The following GLIS1 variants were observed in gnomAD, a reference collection of about 807,000 sequenced individuals.
The protein encoded by GLIS1 is zinc finger protein GLIS1.
A neutral mutation model predicts 63.8 loss-of-function variants in GLIS1; 24 were observed. That is an observed-to-expected ratio of 0.38 (90% confidence interval 0.27 to 0.53). The LOEUF is 0.53. Among genes scored for constraint, GLIS1 ranks in the 20% least tolerant of loss-of-function variants. GLIS1 has a pLI of 0.85. For missense variants in GLIS1, 1,036 were observed against 1,074.1 expected (o/e 0.96, Z 0.50); for synonymous variants, 450 against 482.5 (o/e 0.93, Z 0.88).
intron 7 of GLIS1, 140 bp downstream of exon 7, chr1:53,520,494 C>T: frequency 3.1e-6 from 3 of 965,318 alleles, no homozygotes; most frequent in Non-Finnish European, 2.9e-6. Flanking sequence ...GAGGCAGAGG[C>T]AACCAAGTCC....
chr1:53,720,045 A>G (rs768527561), intron 2 of GLIS1, among the ~76,000 whole-genome samples: 4 of 152,142 alleles, frequency 2.6e-5, no homozygotes, highest in Non-Finnish European at 5.9e-5. Context: ...GCATGGTGGC[A>G]TGCGCCTGTA....
chr1:53,548,435 C>T lies in GLIS1; in HGVS notation c.1321-18483G>A, dbSNP rs1044806295. ...AGGGCCACATATCACGCATGGACGC[C>T]TGCTCCAGCTATGCTAATACCCACA... On this transcript the variant is annotated intron_variant, in intron 4 of 10. Coordinates refer to ENST00000628545, the MANE Select transcript of GLIS1 (RefSeq NM_001367484.1). Among the ~76,000 whole-genome samples, 28 of 152,256 alleles carry T rather than the reference C, an allele frequency of 1.8e-4. 1 individual carries two copies. Among genetic ancestry groups the T allele is most frequent in the Non-Finnish European group, 5.9e-5 (4 of 68,044 alleles).
intron 2 of GLIS1, among the ~76,000 whole-genome samples, chr1:53,697,610 C>T (rs1362986280): frequency 6.6e-6 from 1 of 152,214 alleles, no homozygotes; most frequent in Non-Finnish European, 1.5e-5. Flanking sequence ...CTAAACTACA[C>T]AGCAGAGGAG....
chr1:53,693,649 C>G (rs917526859), intron 2 of GLIS1, among the ~76,000 whole-genome samples: 1 of 152,186 alleles, frequency 6.6e-6, no homozygotes, highest in Non-Finnish European at 1.5e-5. Flanking sequence ...TACAAGCAGT[C>G]CCGGCCTCGG....
chr1:53,701,998 G>GAAAAAAAAA (rs919008620), intron 2 of GLIS1, among the ~76,000 whole-genome samples: 7 of 56,264 alleles, frequency 1.2e-4, no homozygotes, highest in South Asian at 7.6e-4. Flanking sequence ...ACCTAAAAAA[G>GAAAAAAAAA]AAAAAAAAAA....
rs1228764683 is a variant in GLIS1, at chr1:53,646,548, A to G, written c.260-46270T>C. 1.3e-5 allele frequency among the ~76,000 whole-genome samples: 2 copies of G among 152,212 alleles called. No individual in the cohort carries two copies. The highest frequency in any genetic ancestry group is 4.8e-5 in the African/African-American group (2 of 41,448). On this transcript the variant is annotated intron_variant, in intron 2 of 10. Transcript: ENST00000628545. The surrounding 1 kb of genome is among the most constrained non-coding windows in gnomAD (Gnocchi z 4.2). ...AGACAGGCTGGACATGGTGGCTCAC[A>G]CCTGTAATTCCAGCGCTTTGGGAGG...
intron 2 of GLIS1, among the ~76,000 whole-genome samples, chr1:53,694,806 A>G (rs1646447479): frequency 6.6e-6 from 1 of 152,210 alleles, no homozygotes; most frequent in Non-Finnish European, 1.5e-5. Flanking sequence ...TCCAGGCTGT[A>G]GGGTCACTTG....
intron 2 of GLIS1, among the ~76,000 whole-genome samples, chr1:53,609,707 G>C (rs551399673): frequency 6.6e-6 from 1 of 152,232 alleles, no homozygotes; most frequent in South Asian, 2.1e-4. Context: ...ATATAGATCA[G>C]TACAGTCATG....
At chr1:53,517,620 T>G (rs1479796347) in intron 7 of GLIS1, among the ~76,000 whole-genome samples, 1 of 149,186 alleles carries the variant, frequency 6.7e-6, no homozygotes, top group Non-Finnish European at 1.5e-5. Context: ...AGGATGGGCC[T>G]GGCAGATAAG....
intron 2 of GLIS1, among the ~76,000 whole-genome samples, chr1:53,607,974 T>C (rs1211678952): frequency 3.3e-5 from 5 of 150,862 alleles, no homozygotes; most frequent in Non-Finnish European, 4.4e-5. Flanking sequence ...TTTTTTTTTT[T>C]TTGAGACAGG....
intron 4 of GLIS1, among the ~76,000 whole-genome samples, chr1:53,554,715 G>A (rs1644799320): frequency 6.6e-6 from 1 of 152,162 alleles, no homozygotes; most frequent in South Asian, 2.1e-4. Flanking sequence ...GCCCCACCAA[G>A]CCTGACCTGG....
At chr1:53,676,946 G>A (rs1007642992) in intron 2 of GLIS1, among the ~76,000 whole-genome samples, 1 of 152,172 alleles carries the variant, frequency 6.6e-6, no homozygotes. Flanking sequence ...CCGGTCCTGC[G>A]GGCCCTCTGG....
intron 2 of GLIS1, among the ~76,000 whole-genome samples, chr1:53,685,554 C>T (rs1646327400): frequency 6.6e-6 from 1 of 152,214 alleles, no homozygotes; most frequent in Non-Finnish European, 1.5e-5. Flanking sequence ...CAGGCTGACT[C>T]TCCGAAGCCA....
chr1:53,594,012 A>G (rs1557468899), intron 4 of GLIS1, 96 bp downstream of exon 4: 2 of 1,380,300 alleles, frequency 1.4e-6, no homozygotes, highest in Non-Finnish European at 9.7e-7. Context: ...GCCAGCCCAG[A>G]GGACGGAGTC....
At chr1:53,576,650 G>T (rs1484809445) in intron 4 of GLIS1, among the ~76,000 whole-genome samples, 2 of 152,136 alleles carry the variant, frequency 1.3e-5, no homozygotes, top group Admixed American at 6.5e-5. Context: ...AAAATGCATG[G>T]ATCAGCTCCG....
chr1:53,639,729 G>A lies in GLIS1; in HGVS notation c.260-39451C>T, dbSNP rs1316177161. Among the ~76,000 whole-genome samples, 9 of 152,242 alleles carry A rather than the reference G, an allele frequency of 5.9e-5. No homozygotes were observed. Among genetic ancestry groups the A allele is most frequent in the Non-Finnish European group, 1.3e-4 (9 of 68,026 alleles). On this transcript the variant is annotated intron_variant, in intron 2 of 10. Transcript: ENST00000628545. The surrounding 1 kb of genome is among the most constrained non-coding windows in gnomAD (Gnocchi z 4.6). ...AATATTTATAAACCTCCAGGCTTGG[G>A]AAGCCAGTCTCAAGGACCAGGAGCA...
chr1:53,540,429 C>T (rs1644631659), intron 4 of GLIS1, among the ~76,000 whole-genome samples: 1 of 152,166 alleles, frequency 6.6e-6, no homozygotes, highest in Non-Finnish European at 1.5e-5. Flanking sequence ...CTCCCTCCCC[C>T]AGGGATGGCC....
intron 4 of GLIS1, among the ~76,000 whole-genome samples, chr1:53,534,242 G>A (rs1013415534): frequency 9.2e-5 from 14 of 152,000 alleles, no homozygotes; most frequent in Admixed American, 7.9e-4. Flanking sequence ...CCCTGGCTTC[G>A]ACCTTGGTTT....
intron 4 of GLIS1, among the ~76,000 whole-genome samples, chr1:53,593,453 A>G (rs543896236): frequency 6.6e-5 from 10 of 152,338 alleles, no homozygotes; most frequent in African/African-American, 1.7e-4. Flanking sequence ...GCGTGCATGC[A>G]TGTGTGTGTG....
Sources: allele counts gnomAD v4.1 joint callset (sites outside exome capture counted in the v4.1 genomes callset), GRCh38; gene constraint gnomAD v4.1.1; non-coding constraint Gnocchi (gnomAD v3.1); transcripts MANE v1.5; gene names NCBI Gene and HGNC (gene_info 2026-07-23, HGNC 2026-07-21).